The following DCAF8L1 variants were observed in gnomAD, a reference collection of about 807,000 sequenced individuals.
DCAF8L1 encodes the protein DDB1- and CUL4-associated factor 8-like protein 1.
For missense variants in DCAF8L1, 434 were observed against 481.6 expected (o/e 0.90, Z 0.92); for synonymous variants, 217 against 186.8 (o/e 1.16, Z -1.32).
rs759626109 is a variant in DCAF8L1 at position 27,979,310 on chromosome X, G to A, written c.*222C>T. On this transcript the variant is annotated 3_prime_UTR_variant, in exon 1 of 1. Coordinates refer to ENST00000441525, the MANE Select transcript of DCAF8L1 (RefSeq NM_001017930.2). ...GAAATGAGTAGATACATCTAATAAG[G>A]CCATTAATTTTTTCAACAAAATTAT... 3 of 372,143 alleles carry A rather than the reference G, an allele frequency of 8.1e-6. No homozygotes were observed. The highest frequency in any genetic ancestry group is 7.7e-5 in the African/African-American group (3 of 39,203). 30.7% of individuals were successfully genotyped at this position (372,143 alleles called of 1,213,427 possible). A position where few individuals can be genotyped will look rare whatever the true frequency, so the allele number is the denominator to read the frequency against.
Position 27,980,810 on chromosome X carries a change from C to T in DCAF8L1, c.525G>A (p.Glu175=). ...GCACAAAGGTTCTTGCCCCACAGGC[C>T]TCATATACAAAGCGGGCACTTGAAC... is the stretch of plus-strand genomic sequence containing the variant. The part of the protein sequence containing the change: ...QLGSSARFVY[E]ACGARTFVQR... Residue 175 remains glutamate, a synonymous_variant, in exon 1 of 1, where the codon GAG becomes GAA. Coordinates refer to ENST00000441525, the MANE Select transcript of DCAF8L1 (RefSeq NM_001017930.2). The T allele has an allele frequency of 3.3e-6, 4 of 1,210,179 alleles. No individual in the cohort carries two copies. Among genetic ancestry groups the T allele is most frequent in the Non-Finnish European group, 4.5e-6 (4 of 894,609 alleles).
chrX:27,979,797 T>C lies in DCAF8L1; in HGVS notation c.1538A>G (p.Lys513Arg). Residue 513 changes from lysine to arginine, a missense_variant, in exon 1 of 1, where the codon AAA becomes AGA. Coordinates refer to ENST00000441525, the MANE Select transcript of DCAF8L1 (RefSeq NM_001017930.2). ...TAACCCAGTAAGCTCAGTGGCAGTT[T>C]TAGCTGTGGGTGTCCAGATCCTGAC... The part of the protein sequence containing the change: ...QHVRIWTPTA[K>R]TATELTGLKD... 1 of 1,210,927 alleles carries C rather than the reference T, an allele frequency of 8.3e-7. No individual in the cohort carries two copies. Among genetic ancestry groups the C allele is most frequent in the Non-Finnish European group, 1.1e-6 (1 of 895,245 alleles).
chrX:27,980,675 C>A lies in DCAF8L1; in HGVS notation c.660G>T (p.Val220=). Residue 220 remains valine, a synonymous_variant, in exon 1 of 1, where the codon GTG becomes GTT. Coordinates refer to ENST00000441525, the MANE Select transcript of DCAF8L1 (RefSeq NM_001017930.2). The part of the protein sequence containing the change: ...RLASSGDDLR[V]IVWDWVRQKP... ...TCTGCCGCACCCAGTCCCACACTATCACCCTTAAGTCATCACCGCTACTGG... is the reference window on the plus strand; with the variant it reads ...TCTGCCGCACCCAGTCCCACACTATAACCCTTAAGTCATCACCGCTACTGG... The A allele has an allele frequency of 8.3e-7, 1 of 1,212,024 alleles. No homozygotes were observed. Among genetic ancestry groups the A allele is most frequent in the Non-Finnish European group, 1.1e-6 (1 of 895,559 alleles).
In DCAF8L1 at chrX:27,980,077, A is replaced by G; in HGVS notation, c.1258T>C (p.Ser420Pro). ...ACATATTGAGCACCATCACTGAGAG[A>G]GGAGTTGAAGAGGTAAATATCTTCA... The part of the protein sequence containing the change: ...NDEDIYLFNS[S>P]LSDGAQYVKR... The change falls in exon 1 of 1, where the codon TCT (serine) becomes CCT (proline). Residue 420 changes from serine to proline, a missense_variant. Coordinates refer to ENST00000441525, the MANE Select transcript of DCAF8L1 (RefSeq NM_001017930.2). 8.3e-7 allele frequency: 1 copy of G among 1,211,563 alleles called. No individual in the cohort carries two copies. Among genetic ancestry groups the G allele is most frequent in the African/African-American group, 1.7e-5 (1 of 57,709 alleles).
At position 27,980,207 on chromosome X, in the gene DCAF8L1, G is replaced by A; in HGVS notation, c.1128C>T (p.Leu376=). 1 of 1,211,593 alleles carries A rather than the reference G, an allele frequency of 8.3e-7. No homozygotes were observed. The highest frequency in any genetic ancestry group is 1.1e-6 in the Non-Finnish European group (1 of 895,484). Residue 376 remains leucine, a synonymous_variant, in exon 1 of 1, where the codon CTC becomes CTT. Coordinates refer to ENST00000441525, the MANE Select transcript of DCAF8L1 (RefSeq NM_001017930.2). The stretch of plus-strand genomic sequence containing the variant: ...CCAGATGATGAGGAGTGAATTTCTT[G>A]AGTACTCCATTGTTTTCTTTCTTAT... ...RIDKKENNGV[L]KKFTPHHLVY...
rs1426405344 is a variant in DCAF8L1 at position 27,980,926 on chromosome X, G to C, written c.409C>G (p.Gln137Glu). Residue 137 changes from glutamine to glutamate, a missense_variant, in exon 1 of 1, where the codon CAG becomes GAG. Physicochemically the swap from Gln to Glu is conservative, Grantham distance 29. Transcript: ENST00000441525. ...NHDQCLLDED[Q>E]ALEEWISSET... The stretch of plus-strand genomic sequence containing the variant: ...GAGGAAATCCACTCCTCCAACGCCT[G>C]ATCCTCGTCTAACAAACACTGATCA... 6 of 1,210,185 alleles carry C rather than the reference G, an allele frequency of 5.0e-6. No homozygotes were observed. The African/African-American group carries it at 8.7e-5, about 18-fold the overall frequency.
Position 27,981,424 on chromosome X carries a change from A to ACGGT in DCAF8L1, c.-94_-91dup. ...GAGAGCACGCCTGCCCCGAGGACGG[A>ACGGT]CGGTCGGAGAAGGCAGTAGGTAAGC... On this transcript the variant is annotated 5_prime_UTR_variant, in exon 1 of 1. Coordinates refer to ENST00000441525, the MANE Select transcript of DCAF8L1 (RefSeq NM_001017930.2). The ACGGT allele has an allele frequency of 9.0e-7, 1 of 1,111,013 alleles. No individual in the cohort carries two copies. Among genetic ancestry groups the ACGGT allele is most frequent in the Non-Finnish European group, 1.2e-6 (1 of 834,849 alleles). 91.6% of individuals were successfully genotyped at this position (1,111,013 alleles called of 1,213,427 possible). A position where few individuals can be genotyped will look rare whatever the true frequency, so the allele number is the denominator to read the frequency against.
In DCAF8L1 at chrX:27,981,043, T is replaced by A. The variant is rs748314306; in HGVS notation, c.292A>T (p.Thr98Ser). 1.7e-6 allele frequency: 2 copies of A among 1,211,762 alleles called. No homozygotes were observed. Among genetic ancestry groups the A allele is most frequent in the East Asian group, 5.9e-5 (2 of 33,801 alleles). ...TCTTCTTCTTCCTCCTCCCTTTCTGTCTCCTCTCCCACTAACGGGTAACCA... is the reference window on the plus strand; with the variant it reads ...TCTTCTTCTTCCTCCTCCCTTTCTGACTCCTCTCCCACTAACGGGTAACCA... ...LFGYPLVGEETEREEEEEEME... is the reference protein window; with the variant it reads ...LFGYPLVGEESEREEEEEEME... Residue 98 changes from threonine (T) to serine (S), a missense_variant, in exon 1 of 1, where the codon ACA becomes TCA. Physicochemically the swap from Thr to Ser is moderately conservative, Grantham distance 58. Transcript: ENST00000441525.
At position 27,979,629 on chromosome X, in the gene DCAF8L1, G is replaced by T. The variant is rs1200177975; in HGVS notation, c.1706C>A (p.Ala569Asp). Residue 569 changes from alanine (A) to aspartate (D), a missense_variant, in exon 1 of 1, where the codon GCT (alanine) becomes GAT (aspartate). Physicochemically the swap from Ala to Asp is moderately radical, Grantham distance 126. Transcript: ENST00000441525. ...CAACTCTTCTTCATCTGGGAACTCAGCTCCATGATCTCTCCAGCCGGGTTG... is the reference window on the plus strand; with the variant it reads ...CAACTCTTCTTCATCTGGGAACTCATCTCCATGATCTCTCCAGCCGGGTTG... ...AHQPGWRDHG[A>D]EFPDEEELDE... 1 of 1,211,904 alleles carries T rather than the reference G, an allele frequency of 8.3e-7. No individual in the cohort carries two copies. The highest frequency in any genetic ancestry group is 1.1e-6 in the Non-Finnish European group (1 of 895,573).
Position 27,979,688 on chromosome X carries a change from C to A in DCAF8L1, c.1647G>T (p.Arg549=). 8.3e-7 allele frequency: 1 copy of A among 1,211,579 alleles called. No individual in the cohort carries two copies. Among genetic ancestry groups the A allele is most frequent in the Non-Finnish European group, 1.1e-6 (1 of 895,501 alleles). The change falls in exon 1 of 1, where the codon CGG becomes CGT. Residue 549 remains arginine (R), a synonymous_variant. Transcript: ENST00000441525. ...YTDSFDNRML[R]FFVRHLLQRA... is the part of the protein sequence containing the mutation. ...TCTGTAACAGGTGACGCACGAAGAA[C>A]CGAAGCATGCGGTTGTCAAACGAGT... is the stretch of plus-strand genomic sequence containing the variant.
Position 27,981,047 on chromosome X carries a change from C to T in DCAF8L1, c.288G>A (p.Glu96=). The change falls in exon 1 of 1, where the codon GAG becomes GAA. Residue 96 remains glutamate (E), a synonymous_variant. Transcript: ENST00000441525. ...EGLFGYPLVG[E]ETEREEEEEE... ...CTTCTTCCTCCTCCCTTTCTGTCTC[C>T]TCTCCCACTAACGGGTAACCAAATA... 8.3e-7 allele frequency: 1 copy of T among 1,212,088 alleles called. No individual in the cohort carries two copies. Among genetic ancestry groups the T allele is most frequent in the Non-Finnish European group, 1.1e-6 (1 of 895,586 alleles).
chrX:27,981,003 C>A lies in DCAF8L1; in HGVS notation c.332G>T (p.Gly111Val). ...CATCCGAGGCTGTTCTTCCTCCTCCCCTTCCTCCTCCATCTCTTCTTCTTC... is the reference window on the plus strand; with the variant it reads ...CATCCGAGGCTGTTCTTCCTCCTCCACTTCCTCCTCCATCTCTTCTTCTTC... Reference protein sequence around the residue: ...EEEEEEMEEEGEEEEQPRMCP... With the variant: ...EEEEEEMEEEVEEEEQPRMCP... Residue 111 changes from glycine to valine, a missense_variant, in exon 1 of 1, where the codon GGG becomes GTG. Gly to Val is a moderately radical substitution (Grantham distance 109). Coordinates refer to ENST00000441525, the MANE Select transcript of DCAF8L1 (RefSeq NM_001017930.2). The A allele has an allele frequency of 4.1e-6, 5 of 1,211,785 alleles. No homozygotes were observed. The highest frequency in any genetic ancestry group is 4.5e-6 in the Non-Finnish European group (4 of 895,399).
chrX:27,978,712 G>A lies in DCAF8L1; in HGVS notation c.*820C>T. On this transcript the variant is annotated 3_prime_UTR_variant, in exon 1 of 1. Coordinates refer to ENST00000441525, the MANE Select transcript of DCAF8L1 (RefSeq NM_001017930.2). ...CCCAAGTTATTTGCTCTGAGGAGAT[G>A]AATTATCTGGTTAGGAATTCATCTA... 4 of 354,518 alleles carry A rather than the reference G, an allele frequency of 1.1e-5. No homozygotes were observed. The East Asian group carries it at 2.0e-4, about 17-fold the overall frequency. 29.2% of individuals were successfully genotyped at this position (354,518 alleles called of 1,213,427 possible). A position where few individuals can be genotyped will look rare whatever the true frequency, so the allele number is the denominator to read the frequency against.
At position 27,980,754 on chromosome X, in the gene DCAF8L1, C is replaced by T; in HGVS notation, c.581G>A (p.Ser194Asn). Residue 194 changes from serine (S) to asparagine (N), a missense_variant, in exon 1 of 1, where the codon AGC becomes AAC. Coordinates refer to ENST00000441525, the MANE Select transcript of DCAF8L1 (RefSeq NM_001017930.2). ...QRFRLQYLLG[S>N]HAGSVSTIHF... ...TATGGTACTGACAGAACCGGCATGG[C>T]TTCCAAGAAGATACTGCAGGCGGAA... is the stretch of plus-strand genomic sequence containing the variant. The T allele has an allele frequency of 8.3e-7, 1 of 1,210,439 alleles. No individual in the cohort carries two copies. Among genetic ancestry groups the T allele is most frequent in the African/African-American group, 1.7e-5 (1 of 57,940 alleles).
In DCAF8L1 at chrX:27,980,333, T is replaced by C. The variant is rs1165234248; in HGVS notation, c.1002A>G (p.Lys334=). The change falls in exon 1 of 1, where the codon AAA becomes AAG. Residue 334 remains lysine, a synonymous_variant. Transcript: ENST00000441525. ...KVVVTRENDK[K]VGLYTISMNP... ...TCATAGAGATTGTATACAGTCCGAC[T>C]TTCTTATCATTTTCTCTTGTTACCA... The C allele has an allele frequency of 4.1e-6, 5 of 1,210,403 alleles. No homozygotes were observed. The highest frequency in any genetic ancestry group is 5.6e-6 in the Non-Finnish European group (5 of 895,358).
Position 27,979,952 on chromosome X carries a change from G to A in DCAF8L1, c.1383C>T (p.His461=), listed in dbSNP as rs1252922940. 4 of 1,208,037 alleles carry A rather than the reference G, an allele frequency of 3.3e-6. No individual in the cohort carries two copies. The highest frequency in any genetic ancestry group is 3.0e-5 in the East Asian group (1 of 33,663). ...EFVVSGSDCG[H]VFFWEKSSSQ... is the part of the protein sequence containing the mutation. Reference sequence around the variant, plus strand: ...AGGATGATTTCTCCCAGAAGAAGACGTGCCCACAATCACTACCGCTCACGA... The same window carrying A: ...AGGATGATTTCTCCCAGAAGAAGACATGCCCACAATCACTACCGCTCACGA... Residue 461 remains histidine, a synonymous_variant, in exon 1 of 1, where the codon CAC becomes CAT. Coordinates refer to ENST00000441525, the MANE Select transcript of DCAF8L1 (RefSeq NM_001017930.2).
At position 27,978,597 on chromosome X, in the gene DCAF8L1, T is replaced by G; in HGVS notation, c.*935A>C. 1 of 186,278 alleles carries G rather than the reference T, an allele frequency of 5.4e-6. No individual in the cohort carries two copies. Among genetic ancestry groups the G allele is most frequent in the Non-Finnish European group, 1.0e-5 (1 of 100,132 alleles). The allele number at this position is 186,278 out of a possible 1,213,427, so 15.4% of individuals were successfully genotyped here. A position where few individuals can be genotyped will look rare whatever the true frequency, so the allele number is the denominator to read the frequency against. On this transcript the variant is annotated 3_prime_UTR_variant, in exon 1 of 1. Coordinates refer to ENST00000441525, the MANE Select transcript of DCAF8L1 (RefSeq NM_001017930.2). ...TTAATGCATAGAGTAAACAATGTCATGTGATTAAATTTAATTTAGTTCTTA... is the reference window on the plus strand; with the variant it reads ...TTAATGCATAGAGTAAACAATGTCAGGTGATTAAATTTAATTTAGTTCTTA...
chrX:27,981,342 G>A lies in DCAF8L1; in HGVS notation c.-8C>T, dbSNP rs375923258. ...GCCCTCTTGGTGGGACATCTCGAAC[G>A]ATGTTTGCTGTAGCTGATCTGGAAC... On this transcript the variant is annotated 5_prime_UTR_variant, in exon 1 of 1. Transcript: ENST00000441525. 8.3e-6 allele frequency: 10 copies of A among 1,198,187 alleles called. No individual in the cohort carries two copies. The African/African-American group carries it at 1.8e-4, about 21-fold the overall frequency.
In DCAF8L1 at chrX:27,981,406, C is replaced by T. The variant is rs1926655396; in HGVS notation, c.-72G>A. The T allele has an allele frequency of 6.1e-6, 7 of 1,144,685 alleles. No homozygotes were observed. In the South Asian group the frequency reaches 8.3e-5, roughly 14 times the overall value. The allele number at this position is 1,144,685 out of a possible 1,213,427, so 94.3% of individuals were successfully genotyped here. On this transcript the variant is annotated 5_prime_UTR_variant, in exon 1 of 1. The change creates a new upstream start codon in the 5' untranslated region. Transcript: ENST00000441525. The stretch of plus-strand genomic sequence containing the variant: ...CCCTAAAAGCTCAGGGAAGAGAGCA[C>T]GCCTGCCCCGAGGACGGACGGTCGG...
Sources: gnomAD v4.1 joint callset for allele counts on GRCh38, gnomAD v4.1.1 for gene constraint, MANE v1.5 for transcripts, NCBI Gene and HGNC (gene_info 2026-07-23, HGNC 2026-07-21) for gene names.